The following CDH23 variants were observed in gnomAD, a reference collection of about 807,000 sequenced individuals.
CDH23 encodes the protein cadherin-23.
A neutral mutation model predicts 317.1 loss-of-function variants in CDH23; 189 were observed. The ratio of observed to expected loss-of-function variants is 0.60; its 90% confidence interval spans 0.53 to 0.67. The LOEUF (loss-of-function observed/expected upper bound fraction) is 0.67, where lower values mean the gene tolerates loss of function less well. Among genes scored for constraint, CDH23 ranks in the 30% least tolerant of loss-of-function variants. CDH23 has a pLI of 0.00. For synonymous variants in CDH23, 1,839 were observed against 1,876.8 expected, an observed-to-expected ratio of 0.98 and a Z score of 0.52; for missense variants, 4,401 against 4,592.4, an observed-to-expected ratio of 0.96 and a Z score of 1.20.
At chr10:71,495,312 A>T (rs1852899252) in intron 3 of CDH23, among the ~76,000 whole-genome samples, 1 of 151,498 alleles carries the variant, frequency 6.6e-6, no homozygotes, top group Non-Finnish European at 1.5e-5. Context: ...GACTTTTCTG[A>T]CCTCCTTCGC....
In CDH23 at chr10:71,751,626, A is replaced by T; in HGVS notation, c.4845+9705A>T. 5 of 1,498,276 alleles carry T rather than the reference A, an allele frequency of 3.3e-6. No homozygotes were observed. The highest frequency in any genetic ancestry group is 4.5e-6 in the Non-Finnish European group (5 of 1,120,640). 92.8% of individuals were successfully genotyped at this position (1,498,276 alleles called of 1,614,324 possible). On this transcript the variant is annotated intron_variant, in intron 38 of 69. Coordinates refer to ENST00000224721, the MANE Select transcript of CDH23 (RefSeq NM_022124.6). This position sits in a 1 kb window ranked among gnomAD's most constrained non-coding sequence, Gnocchi z 4.9. Reference sequence around the variant, plus strand: ...ATGCCCTGCAGGCCATGAGGTCATGACCTTACAGGTCATCGTGCTGTGAAG... The same window carrying T: ...ATGCCCTGCAGGCCATGAGGTCATGTCCTTACAGGTCATCGTGCTGTGAAG...
At chr10:71,736,010 C>T (rs1353719807) in intron 34 of CDH23, among the ~76,000 whole-genome samples, 3 of 152,272 alleles carry the variant, frequency 2.0e-5, no homozygotes, top group Non-Finnish European at 2.9e-5. Flanking sequence ...GCCCACCTGG[C>T]CCTCACACAG....
chr10:71,668,563 C>A (rs1017830108), intron 14 of CDH23, among the ~76,000 whole-genome samples: 1 of 152,232 alleles, frequency 6.6e-6, no homozygotes, highest in Non-Finnish European at 1.5e-5. Context: ...TCTCTGTCCC[C>A]TCCTTCATCT....
chr10:71,408,223 A>G (rs895186282), intron 1 of CDH23, among the ~76,000 whole-genome samples: 8 of 152,126 alleles, frequency 5.3e-5, no homozygotes, highest in Non-Finnish European at 8.8e-5. Context: ...GATATTTATT[A>G]AGCACCTACT....
intron 5 of CDH23, 49 bp from the exon 6 acceptor site, chr10:71,511,070 AG>A (rs1206344653): frequency 1.6e-5 from 26 of 1,611,768 alleles, no homozygotes; most frequent in Non-Finnish European, 2.2e-5. Flanking sequence ...CTAGGGTGGA[AG>A]AGGCCAGAGT....
intron 3 of CDH23, among the ~76,000 whole-genome samples, chr10:71,476,612 G>T (rs1851808188): frequency 6.6e-6 from 1 of 152,328 alleles, no homozygotes; most frequent in East Asian, 1.9e-4. Flanking sequence ...GAGAGGGTTT[G>T]TCTGCCCCTA....
chr10:71,810,422 G>A, intron 61 of CDH23, 50 bp from the exon 62 acceptor site: 1 of 1,555,464 alleles, frequency 6.4e-7, no homozygotes, highest in Non-Finnish European at 8.9e-7. Context: ...GCCCATCCCT[G>A]TGGCCCCCTG....
intron 34 of CDH23, among the ~76,000 whole-genome samples, chr10:71,735,687 AAC>A (rs2132835263): frequency 6.6e-6 from 1 of 152,336 alleles, no homozygotes; most frequent in South Asian, 2.1e-4. Context: ...CCAAGAGCCA[AAC>A]ACAATTTCTT....
chr10:71,415,261 A>G (rs1848489317), intron 1 of CDH23, among the ~76,000 whole-genome samples: 1 of 152,000 alleles, frequency 6.6e-6, no homozygotes, highest in Non-Finnish European at 1.5e-5. Context: ...ACACCTGGCT[A>G]ATTTTTAAAT....
At chr10:71,741,024 T>C in intron 37 of CDH23, 74 bp downstream of exon 37, 1 of 1,561,188 alleles carries the variant, frequency 6.4e-7, no homozygotes. Context: ...ATGCAGCCCC[T>C]GTTTAAATGT....
At chr10:71,738,418 CT>C (rs1839628219) in intron 34 of CDH23, 79 bp from the exon 35 acceptor site, 2 of 1,555,960 alleles carry the variant, frequency 1.3e-6, no homozygotes, top group Non-Finnish European at 1.8e-6. Flanking sequence ...CTGGTCCCTA[CT>C]GGACCCACGG....
intron 3 of CDH23, among the ~76,000 whole-genome samples, chr10:71,482,990 A>G (rs1310302763): frequency 6.6e-6 from 1 of 152,244 alleles, no homozygotes; most frequent in Non-Finnish European, 1.5e-5. Context: ...CTTGGTACAA[A>G]GGACATTGAG....
rs564441684 is a variant in CDH23, at chr10:71,401,688, T to G, written c.-6+4370T>G. ...GGGAGTGGTGGGGACTGGGGAGAAC[T>G]GAAAAGCATAGGCCCCATAGAGAAG... On this transcript the variant is annotated intron_variant, in intron 1 of 69. Transcript: ENST00000224721. 1.1e-4 allele frequency among the ~76,000 whole-genome samples: 17 copies of G among 152,188 alleles called. No individual in the cohort carries two copies. The East Asian group carries it at 3.1e-3, about 28-fold the overall frequency.
chr10:71,615,749 T>C, intron 10 of CDH23, 133 bp downstream of exon 10: 1 of 651,952 alleles, frequency 1.5e-6, no homozygotes, highest in Admixed American at 2.4e-5. Flanking sequence ...GCTCTCACCC[T>C]GCACTGCCTC....
At chr10:71,614,539 G>A (rs532658751) in intron 9 of CDH23, among the ~76,000 whole-genome samples, 7 of 152,356 alleles carry the variant, frequency 4.6e-5, no homozygotes, top group African/African-American at 1.7e-4. Flanking sequence ...GGACAGTCAT[G>A]AAAGGTCTCC....
chr10:71,409,966 T>G lies in CDH23; in HGVS notation c.-6+12648T>G, dbSNP rs373255052. Among the ~76,000 whole-genome samples the G allele has an allele frequency of 3.3e-5, 5 of 152,324 alleles. No homozygotes were observed. In the East Asian group the frequency reaches 9.7e-4, roughly 29 times the overall value. On this transcript the variant is annotated intron_variant, in intron 1 of 69. Coordinates refer to ENST00000224721, the MANE Select transcript of CDH23 (RefSeq NM_022124.6). ...GGCTCTGAGCAGCAGGCCTTACCTCTGGGCCCAAACCCTAAATGAGAGGAA... is the reference window on the plus strand; with the variant it reads ...GGCTCTGAGCAGCAGGCCTTACCTCGGGGCCCAAACCCTAAATGAGAGGAA...
chr10:71,566,600 G>A (rs990909475), intron 6 of CDH23, 142 bp from the exon 7 acceptor site: 7 of 639,874 alleles, frequency 1.1e-5, no homozygotes, highest in Non-Finnish European at 1.7e-5. Flanking sequence ...TAAATTTTGG[G>A]GCCCCTCCTA....
chr10:71,605,929 A>G (rs2132488444), intron 9 of CDH23, among the ~76,000 whole-genome samples: 1 of 152,352 alleles, frequency 6.6e-6, no homozygotes, highest in Admixed American at 6.5e-5. Flanking sequence ...TATTTCAGCC[A>G]TAGTCCCTGG....
intron 3 of CDH23, among the ~76,000 whole-genome samples, chr10:71,507,219 G>T (rs545130796): frequency 2.6e-5 from 4 of 152,140 alleles, no homozygotes; most frequent in Non-Finnish European, 5.9e-5. Context: ...GGCGCTTATG[G>T]GCCTCAGTTT....
Sources: gnomAD v4.1 joint callset for allele counts (sites outside exome capture counted in the v4.1 genomes callset) on GRCh38, gnomAD v4.1.1 for gene constraint, Gnocchi (gnomAD v3.1) non-coding constraint, MANE v1.5 for transcripts, NCBI Gene and HGNC (gene_info 2026-07-23, HGNC 2026-07-21) for gene names.